The following GRM6 variants were observed in gnomAD, a reference collection of about 807,000 sequenced individuals.
GRM6 encodes metabotropic glutamate receptor 6.
Under a neutral mutation model 78.4 loss-of-function variants are expected in GRM6, and 73 were observed. The observed-to-expected ratio is 0.93, with a 90% CI of 0.77 to 1.13. The LOEUF (loss-of-function observed/expected upper bound fraction) is 1.13. GRM6 is among the 50% of genes most tolerant of loss of function. The pLI is 0.00. For missense variants in GRM6, 1,251 were observed against 1,256.4 expected (o/e 1.00, Z 0.07); for synonymous variants, 580 against 555.0 (o/e 1.05, Z -0.63).
Position 178,986,727 on chromosome 5 carries a change from G to GTC in GRM6, c.1525_1526dup (p.Asp509GlufsTer24). The GTC allele has an allele frequency of 6.2e-7, 1 of 1,605,406 alleles. No homozygotes were observed. The highest frequency in any genetic ancestry group is 8.5e-7 in the Non-Finnish European group (1 of 1,179,144). On this transcript the variant is annotated frameshift_variant, in exon 9 of 11. Transcript: ENST00000517717. LOFTEE classifies it high-confidence loss of function. ...ACAGAGACGAGGGCACCTCGTGGGGGTCGCCAGACCACTGCAGGGCCTCCA... is the reference window on the plus strand; with the variant it reads ...ACAGAGACGAGGGCACCTCGTGGGGGTCTCGCCAGACCACTGCAGGGCCTCCA...
intron 5 of GRM6, chr5:178,989,716 A>G (rs1760638841): frequency 4.3e-6 from 2 of 466,786 alleles, no homozygotes; most frequent in Non-Finnish European, 7.9e-6. Context: ...CATTTGAAAG[A>G]CTTTTATCCC....
At position 178,988,120 on chromosome 5, in the gene GRM6, T is replaced by A. The variant is rs1315742994; in HGVS notation, c.1354+815A>T. 2.0e-5 allele frequency among the ~76,000 whole-genome samples: 3 copies of A among 152,154 alleles called. No individual in the cohort carries two copies. The highest frequency in any genetic ancestry group is 2.9e-5 in the Non-Finnish European group (2 of 68,030). ...AAAATGGTTAAGGTGATACATTTTA[T>A]ATTATATGTATTTTATCACAATTAA... On this transcript the variant is annotated intron_variant, in intron 7 of 10. Transcript: ENST00000517717. This position sits in a 1 kb window ranked among gnomAD's most constrained non-coding sequence, Gnocchi z 6.0.
chr5:178,992,877 G>C lies in GRM6; in HGVS notation c.505-794C>G, dbSNP rs1336012523. ...AGTGGCAGGGAGAGAGAAAGAAAGA[G>C]GGAAGGTGGGGCTGGAGAGAAACAA... On this transcript the variant is annotated intron_variant, in intron 2 of 10. Transcript: ENST00000517717. This position sits in a 1 kb window ranked among gnomAD's most constrained non-coding sequence, Gnocchi z 4.9. Among the ~76,000 whole-genome samples the C allele has an allele frequency of 6.6e-6, 1 of 151,968 alleles. No individual in the cohort carries two copies. Among genetic ancestry groups the C allele is most frequent in the East Asian group, 1.9e-4 (1 of 5,160 alleles).
intron 9 of GRM6, among the ~76,000 whole-genome samples, chr5:178,984,217 GC>G (rs369043007): frequency 1.3e-5 from 2 of 152,266 alleles, no homozygotes; most frequent in African/African-American, 4.8e-5. Context: ...AAAAATGCAA[GC>G]CCAGGGCTGC....
chr5:178,989,211 A>AAGCCCC, intron 6 of GRM6, 54 bp downstream of exon 6: 1 of 121,736 alleles, frequency 8.2e-6, no homozygotes, highest in Non-Finnish European at 1.3e-5. Context: ...CCCCCTCCCC[A>AAGCCCC]CCCTCACCAC....
Position 178,991,625 on chromosome 5 carries a change from T to G in GRM6, c.722-66A>C. On this transcript the variant is annotated intron_variant, in intron 3 of 10. Transcript: ENST00000517717. The surrounding 1 kb of genome is among the most constrained non-coding windows in gnomAD (Gnocchi z 5.0). The stretch of plus-strand genomic sequence containing the variant: ...ACCCACACACCCACCTGGCCACCGC[T>G]GCAGAGGACTGTGTAGGCTGGCTGA... The G allele has an allele frequency of 7.1e-7, 1 of 1,406,436 alleles. No homozygotes were observed. The highest frequency in any genetic ancestry group is 9.8e-7 in the Non-Finnish European group (1 of 1,021,566). The allele number at this position is 1,406,436 out of a possible 1,614,324, so 87.1% of individuals were successfully genotyped here. A position where few individuals can be genotyped will look rare whatever the true frequency, so the allele number is the denominator to read the frequency against.
In GRM6 at chr5:178,991,174, C is replaced by G. The variant is rs562637321; in HGVS notation, c.857+250G>C. ...TAGGTTCTGCCCACAGGTCCCTCCCCGCACCCCCAGGAGCTGTAAACACAG... is the reference window on the plus strand; with the variant it reads ...TAGGTTCTGCCCACAGGTCCCTCCCGGCACCCCCAGGAGCTGTAAACACAG... On this transcript the variant is annotated intron_variant, in intron 4 of 10. Transcript: ENST00000517717. The surrounding 1 kb of genome is among the most constrained non-coding windows in gnomAD (Gnocchi z 5.0). Among the ~76,000 whole-genome samples, 2 of 152,108 alleles carry G rather than the reference C, an allele frequency of 1.3e-5. No individual in the cohort carries two copies. Among genetic ancestry groups the G allele is most frequent in the Non-Finnish European group, 2.9e-5 (2 of 68,010 alleles).
rs1760403257 is a variant in GRM6 at position 178,981,915 on chromosome 5, A to T, written c.2437-61T>A. ...CCCTGCTCTCCCTGCCCCGCTCCACACAGTCCTCACCACATACTCTGGAGC... is the reference window on the plus strand; with the variant it reads ...CCCTGCTCTCCCTGCCCCGCTCCACTCAGTCCTCACCACATACTCTGGAGC... On this transcript the variant is annotated intron_variant, in intron 10 of 10. Transcript: ENST00000517717. This position sits in a 1 kb window ranked among gnomAD's most constrained non-coding sequence, Gnocchi z 5.1. The T allele has an allele frequency of 2.0e-6, 2 of 1,001,394 alleles. No homozygotes were observed. The highest frequency in any genetic ancestry group is 2.4e-5 in the East Asian group (1 of 42,022). The allele number at this position is 1,001,394 out of a possible 1,614,324, so 62.0% of individuals were successfully genotyped here. A position where few individuals can be genotyped will look rare whatever the true frequency, so the allele number is the denominator to read the frequency against.
chr5:178,989,665 C>T (rs1051005829), intron 5 of GRM6: 12 of 570,636 alleles, frequency 2.1e-5, no homozygotes, highest in Non-Finnish European at 3.8e-5. Flanking sequence ...CTGGAGGTTC[C>T]AGGGTAGCAC....
intron 4 of GRM6, 29 bp from the exon 5 acceptor site, chr5:178,990,775 G>A: frequency 1.3e-6 from 2 of 1,542,230 alleles, no homozygotes; most frequent in Non-Finnish European, 1.8e-6. Flanking sequence ...GGGTGAGGGA[G>A]GGCCTGGGAG....
chr5:178,990,514 G>T, intron 5 of GRM6, 78 bp downstream of exon 5: 1 of 1,164,142 alleles, frequency 8.6e-7, no homozygotes, highest in Non-Finnish European at 1.3e-6. Context: ...CAATTACACA[G>T]ATGCAGAAAA....
chr5:178,983,556 T>G, intron 9 of GRM6: 1 of 495,766 alleles, frequency 2.0e-6, no homozygotes. Flanking sequence ...CAATGCCATT[T>G]ACTGCGCCCC....
At chr5:178,987,363 C>T (rs771733670) in intron 7 of GRM6, 9 of 471,508 alleles carry the variant, frequency 1.9e-5, no homozygotes, top group Middle Eastern at 3.2e-4. Context: ...TGTACAGCCA[C>T]GTTCACAGCA....
chr5:178,982,949 G>C lies in GRM6; in HGVS notation c.2397C>G (p.Phe799Leu). 1 of 1,614,148 alleles carries C rather than the reference G, an allele frequency of 6.2e-7. No homozygotes were observed. Among genetic ancestry groups the C allele is most frequent in the Admixed American group, 1.7e-5 (1 of 60,028 alleles). The change falls in exon 10 of 11, where the codon TTC (phenylalanine) becomes TTG (leucine). Residue 799 changes from phenylalanine (F) to leucine (L), a missense_variant. Phe to Leu is a conservative substitution (Grantham distance 22, BLOSUM62 0). Transcript: ENST00000517717. ...GGGCAGTGCCAAAGAAGATGGGCAC[G>C]AATGCCAGCCAGATGATGCAGGTGG... The part of the protein sequence containing the change: ...MYTTCIIWLA[F>L]VPIFFGTAQS...
intron 2 of GRM6, among the ~76,000 whole-genome samples, chr5:178,993,775 G>A (rs947507357): frequency 2.6e-5 from 4 of 152,136 alleles, no homozygotes; most frequent in African/African-American, 4.8e-5. Flanking sequence ...TGCCCCTCAC[G>A]GGACAGTTCC....
chr5:178,981,561 G>A lies in GRM6; in HGVS notation c.*96C>T. 1 of 963,292 alleles carries A rather than the reference G, an allele frequency of 1.0e-6. No homozygotes were observed. Among genetic ancestry groups the A allele is most frequent in the Non-Finnish European group, 1.6e-6 (1 of 619,200 alleles). 59.7% of individuals were successfully genotyped at this position (963,292 alleles called of 1,614,324 possible). A position where few individuals can be genotyped will look rare whatever the true frequency, so the allele number is the denominator to read the frequency against. Reference sequence around the variant, plus strand: ...TGGTCTTGGCAAACTCCCTGCCACTGACTGTTCACCGTGGACCCGGGCTCT... The same window carrying A: ...TGGTCTTGGCAAACTCCCTGCCACTAACTGTTCACCGTGGACCCGGGCTCT... On this transcript the variant is annotated 3_prime_UTR_variant, in exon 11 of 11. Coordinates refer to ENST00000517717, the MANE Select transcript of GRM6 (RefSeq NM_000843.4). This position sits in a 1 kb window ranked among gnomAD's most constrained non-coding sequence, Gnocchi z 5.1.
chr5:178,983,590 G>A, intron 9 of GRM6: 1 of 415,282 alleles, frequency 2.4e-6, no homozygotes, highest in Middle Eastern at 3.5e-4. Flanking sequence ...GATGTGGCCG[G>A]AAGCTCTGGA....
intron 2 of GRM6, among the ~76,000 whole-genome samples, chr5:178,993,675 G>C (rs552799921): frequency 6.6e-6 from 1 of 152,264 alleles, no homozygotes; most frequent in East Asian, 1.9e-4. Flanking sequence ...ACAACCCCCA[G>C]TGAATGACCA....
At position 178,991,743 on chromosome 5, in the gene GRM6, G is replaced by A. The variant is rs754747361; in HGVS notation, c.721+124C>T. ...AACAAAGAGGTCCCGCCCACATGGA[G>A]CACCAGCCAGGCAACCTCGGCCCAG... On this transcript the variant is annotated intron_variant, in intron 3 of 10. Coordinates refer to ENST00000517717, the MANE Select transcript of GRM6 (RefSeq NM_000843.4). This position sits in a 1 kb window ranked among gnomAD's most constrained non-coding sequence, Gnocchi z 5.0. 2 of 1,119,382 alleles carry A rather than the reference G, an allele frequency of 1.8e-6. No homozygotes were observed. Among genetic ancestry groups the A allele is most frequent in the Non-Finnish European group, 2.7e-6 (2 of 747,952 alleles). 69.3% of individuals were successfully genotyped at this position (1,119,382 alleles called of 1,614,324 possible). A position where few individuals can be genotyped will look rare whatever the true frequency, so the allele number is the denominator to read the frequency against.
Sources: allele counts gnomAD v4.1 joint callset (sites outside exome capture counted in the v4.1 genomes callset), GRCh38; gene constraint gnomAD v4.1.1; non-coding constraint Gnocchi (gnomAD v3.1); transcripts MANE v1.5; gene names NCBI Gene and HGNC (gene_info 2026-07-23, HGNC 2026-07-21).